Variants in TRPC1 observed in about 807,000 individuals in gnomAD.
TRPC1 encodes short transient receptor potential channel 1.
A neutral mutation model predicts 88.2 loss-of-function variants in TRPC1; 42 were observed. The ratio of observed to expected loss-of-function variants is 0.48; its 90% confidence interval spans 0.37 to 0.62. The LOEUF (loss-of-function observed/expected upper bound fraction) is 0.62, where lower values mean the gene tolerates loss of function less well. TRPC1 is among the 20% of genes least tolerant of loss of function. The pLI, the probability that TRPC1 is intolerant of heterozygous loss-of-function variation, is 0.00. For missense variants in TRPC1, 699 were observed against 957.3 expected (o/e 0.73, Z 3.56); for synonymous variants, 288 against 331.8 (o/e 0.87, Z 1.43).
chr3:142,794,844 C>T (rs187997408), intron 9 of TRPC1, among the ~76,000 whole-genome samples: 2 of 152,124 alleles, frequency 1.3e-5, no homozygotes, highest in Admixed American at 1.3e-4. Context: ...ATATTAAAAG[C>T]AAGATGTGAA....
Position 142,791,081 on chromosome 3 carries a change from T to A in TRPC1, c.1360T>A (p.Ser454Thr). The change falls in exon 8 of 13, where the codon TCT becomes ACT. Residue 454 changes from serine to threonine, a missense_variant. By Grantham distance (58) the Ser-to-Thr change is moderately conservative (BLOSUM62 1). This residue lies in a region of TRPC1 where 426 missense variants were observed against 641.3 expected (regional missense o/e 0.66). Transcript: ENST00000476941. The stretch of plus-strand genomic sequence containing the variant: ...AGGGTTGGAAGACTTTTTAGAAGAA[T>A]CTCGTAATCAACTCAGTTTTGTCAT... ...YEGLEDFLEESRNQLSFVMNS... is the reference protein window; with the variant it reads ...YEGLEDFLEETRNQLSFVMNS... The A allele has an allele frequency of 6.2e-7, 1 of 1,611,128 alleles. No individual in the cohort carries two copies. The highest frequency in any genetic ancestry group is 8.5e-7 in the Non-Finnish European group (1 of 1,178,710).
At chr3:142,774,827 C>T (rs888099140) in intron 4 of TRPC1, among the ~76,000 whole-genome samples, 3 of 152,056 alleles carry the variant, frequency 2.0e-5, no homozygotes, top group Non-Finnish European at 4.4e-5. Context: ...CATTATTCGT[C>T]AGATTATATC....
intron 9 of TRPC1, among the ~76,000 whole-genome samples, chr3:142,797,712 T>C (rs1269266942): frequency 3.3e-5 from 5 of 152,256 alleles, no homozygotes; most frequent in Admixed American, 6.5e-5. Flanking sequence ...GGTCAGTGTA[T>C]GTAAGATGCA....
At chr3:142,793,299 A>G (rs1456077014) in intron 9 of TRPC1, among the ~76,000 whole-genome samples, 1 of 152,062 alleles carries the variant, frequency 6.6e-6, no homozygotes, top group Non-Finnish European at 1.5e-5. Flanking sequence ...TCTCACATTT[A>G]AAGTTTTAAA....
chr3:142,770,237 C>T (rs1330711899), intron 4 of TRPC1, among the ~76,000 whole-genome samples: 1 of 151,700 alleles, frequency 6.6e-6, no homozygotes, highest in Non-Finnish European at 1.5e-5. Context: ...ACTGGGACTA[C>T]AGGCATGCAC....
intron 3 of TRPC1, among the ~76,000 whole-genome samples, chr3:142,745,351 C>T (rs533565717): frequency 3.3e-5 from 5 of 152,220 alleles, no homozygotes; most frequent in South Asian, 4.1e-4. Flanking sequence ...TTATCACTAA[C>T]GATTAAATCT....
chr3:142,750,207 A>G (rs1934704445), intron 4 of TRPC1, among the ~76,000 whole-genome samples: 3 of 152,154 alleles, frequency 2.0e-5, no homozygotes, highest in African/African-American at 7.2e-5. Flanking sequence ...ATCTACAAGG[A>G]ACTTAAATTT....
chr3:142,724,461 C>G lies in TRPC1; in HGVS notation c.-99C>G. ...CGAGGCAGCAGTGGGAACGACTCATCCTTTTTCCAGCCCTGGGGCGTGGCT... is the reference window on the plus strand; with the variant it reads ...CGAGGCAGCAGTGGGAACGACTCATGCTTTTTCCAGCCCTGGGGCGTGGCT... On this transcript the variant is annotated 5_prime_UTR_variant, in exon 1 of 13. It adds an upstream start codon to the 5' untranslated region. Coordinates refer to ENST00000476941, the MANE Select transcript of TRPC1 (RefSeq NM_001251845.2). This position sits in a 1 kb window ranked among gnomAD's most constrained non-coding sequence, Gnocchi z 5.6. 1 of 1,250,022 alleles carries G rather than the reference C, an allele frequency of 8.0e-7. No homozygotes were observed. Among genetic ancestry groups the G allele is most frequent in the Non-Finnish European group, 1.1e-6 (1 of 942,594 alleles). The allele number at this position is 1,250,022 out of a possible 1,614,324, so 77.4% of individuals were successfully genotyped here. A position where few individuals can be genotyped will look rare whatever the true frequency, so the allele number is the denominator to read the frequency against.
At chr3:142,786,387 A>C (rs1465933628) in intron 7 of TRPC1, among the ~76,000 whole-genome samples, 2 of 152,182 alleles carry the variant, frequency 1.3e-5, no homozygotes. Context: ...TTTGAAAATC[A>C]GTTAATTTCA....
intron 1 of TRPC1, 101 bp from the exon 2 acceptor site, chr3:142,736,278 A>T: frequency 3.4e-6 from 3 of 877,116 alleles, no homozygotes; most frequent in Non-Finnish European, 4.8e-6. Flanking sequence ...AAATGAGTTT[A>T]GGCTTTTAAT....
chr3:142,740,598 T>C (rs1934310265), intron 2 of TRPC1, among the ~76,000 whole-genome samples: 1 of 152,244 alleles, frequency 6.6e-6, no homozygotes, highest in South Asian at 2.1e-4. Flanking sequence ...AAAGACCAAA[T>C]GAATTGTTGA....
chr3:142,799,623 T>C (rs1936554629), intron 9 of TRPC1, among the ~76,000 whole-genome samples: 1 of 151,928 alleles, frequency 6.6e-6, no homozygotes, highest in African/African-American at 2.4e-5. Flanking sequence ...CTGGGCAACA[T>C]AGCAAGACCT....
Position 142,806,493 on chromosome 3 carries a change from TCTTA to T in TRPC1, c.*263_*266del, listed in dbSNP as rs1044056481. 20 of 267,758 alleles carry T rather than the reference TCTTA, an allele frequency of 7.5e-5. No individual in the cohort carries two copies. Among genetic ancestry groups the T allele is most frequent in the African/African-American group, 2.2e-4 (10 of 44,950 alleles). The allele number at this position is 267,758 out of a possible 1,614,324, so 16.6% of individuals were successfully genotyped here. A position where few individuals can be genotyped will look rare whatever the true frequency, so the allele number is the denominator to read the frequency against. The stretch of plus-strand genomic sequence containing the variant: ...ATTTTGTTAGCATGCTGCTTGGTTT[TCTTA>T]CTTAGTGCTTTAAAATGTTTTTTTT... On this transcript the variant is annotated 3_prime_UTR_variant, in exon 13 of 13. Transcript: ENST00000476941.
At chr3:142,772,966 G>A (rs960413841) in intron 4 of TRPC1, among the ~76,000 whole-genome samples, 17 of 152,152 alleles carry the variant, frequency 1.1e-4, no homozygotes, top group Non-Finnish European at 2.2e-4. Flanking sequence ...CCCTGTTTGC[G>A]TGCCTGTCTC....
intron 9 of TRPC1, among the ~76,000 whole-genome samples, chr3:142,796,504 G>A (rs1340938152): frequency 2.0e-5 from 3 of 151,780 alleles, no homozygotes; most frequent in African/African-American, 7.3e-5. Context: ...CTGGTCCCAG[G>A]GTAGGGCCCT....
chr3:142,803,644 G>A (rs1936689595), intron 10 of TRPC1, among the ~76,000 whole-genome samples: 1 of 152,166 alleles, frequency 6.6e-6, no homozygotes, highest in Admixed American at 6.6e-5. Flanking sequence ...TAAGGATTTT[G>A]AGTTGTTGAG....
Position 142,748,449 on chromosome 3 carries a change from C to T in TRPC1, c.621C>T (p.Leu207=). The change falls in exon 4 of 13, where the codon CTC becomes CTT. Residue 207 remains leucine (L), a synonymous_variant. Coordinates refer to ENST00000476941, the MANE Select transcript of TRPC1 (RefSeq NM_001251845.2). ...LCSAKNKKDS[L]RHSRFRLDIY... is the part of the protein sequence containing the mutation. ...CTGCAAAAAACAAAAAGGATAGCCTCCGGCATTCCAGGTTAGAACATTAAA... is the reference window on the plus strand; with the variant it reads ...CTGCAAAAAACAAAAAGGATAGCCTTCGGCATTCCAGGTTAGAACATTAAA... 1 of 1,613,990 alleles carries T rather than the reference C, an allele frequency of 6.2e-7. No homozygotes were observed. Among genetic ancestry groups the T allele is most frequent in the Non-Finnish European group, 8.5e-7 (1 of 1,179,904 alleles).
chr3:142,770,529 C>CTT (rs1935541116), intron 4 of TRPC1, among the ~76,000 whole-genome samples: 1 of 152,188 alleles, frequency 6.6e-6, no homozygotes, highest in Non-Finnish European at 1.5e-5. Context: ...CAGTATACAT[C>CTT]TTTTTCCAGC....
intron 2 of TRPC1, among the ~76,000 whole-genome samples, chr3:142,737,624 G>A (rs1263531489): frequency 1.3e-5 from 2 of 152,068 alleles, no homozygotes; most frequent in Admixed American, 6.6e-5. Flanking sequence ...TAGAGAATCT[G>A]AGGGACAATG....
Sources: gnomAD v4.1 joint callset for allele counts (sites outside exome capture counted in the v4.1 genomes callset) on GRCh38, gnomAD v4.1.1 for gene constraint, gnomAD v4.1.1 regional missense constraint, Gnocchi (gnomAD v3.1) non-coding constraint, MANE v1.5 for transcripts, NCBI Gene and HGNC (gene_info 2026-07-23, HGNC 2026-07-21) for gene names.